Variants in FDFT1 observed in about 807,000 individuals in gnomAD.
FDFT1 encodes squalene synthase.
FDFT1 carries 68 observed loss-of-function variants against 46.8 expected under a neutral mutation model. That is an observed-to-expected ratio of 1.45 (90% CI 1.19 to 1.78). The LOEUF is 1.78. Among genes scored for constraint, FDFT1 ranks in the 40% most tolerant of loss-of-function variants. The pLI, the probability that FDFT1 is intolerant of heterozygous loss-of-function variation, is 0.00. For synonymous variants in FDFT1, 351 were observed against 185.1 expected, an observed-to-expected ratio of 1.90 and a Z score of -7.28; for missense variants, 928 against 524.4, an observed-to-expected ratio of 1.77 and a Z score of -7.52.
upstream of FDFT1, chr8:11,802,570 A>G (rs893136961): frequency 1.6e-6 from 1 of 615,944 alleles, no homozygotes; most frequent in African/African-American, 1.8e-5. Context: ...TCCTTCCGCG[A>G]CTGATTGGCC....
At chr8:11,808,394 G>A (rs1807175642) in intron 1 of FDFT1, 13 of 1,235,468 alleles carry the variant, frequency 1.1e-5, no homozygotes, top group Non-Finnish European at 1.1e-5. Flanking sequence ...CTGCGGGGCG[G>A]GCCCGTTGTG....
At chr8:11,801,192 A>C (rs1806085015), upstream of FDFT1, among the ~76,000 whole-genome samples, 1 of 152,100 alleles carries the variant, frequency 6.6e-6, no homozygotes, top group African/African-American at 2.4e-5. Flanking sequence ...GAGAAAGCAA[A>C]AGCATAAGAG....
chr8:11,826,683 C>T (rs1810040647), intron 5 of FDFT1, among the ~76,000 whole-genome samples: 1 of 152,140 alleles, frequency 6.6e-6, no homozygotes, highest in Non-Finnish European at 1.5e-5. Context: ...GGCGTGGTGG[C>T]AAGGGCTTGT....
upstream of FDFT1, among the ~76,000 whole-genome samples, chr8:11,801,194 G>T (rs1275676880): frequency 6.6e-6 from 1 of 152,154 alleles, no homozygotes; most frequent in Non-Finnish European, 1.5e-5. Context: ...GAAAGCAAAA[G>T]CATAAGAGAT....
At chr8:11,797,055 G>T (rs1169920170) in intron 1 of FDFT1, among the ~76,000 whole-genome samples, 1 of 152,214 alleles carries the variant, frequency 6.6e-6, no homozygotes, top group Non-Finnish European at 1.5e-5. Context: ...CTTCTGGGTT[G>T]TTGGGTCATT....
At chr8:11,796,923 G>C (rs1325357592) in intron 1 of FDFT1, among the ~76,000 whole-genome samples, 1 of 152,256 alleles carries the variant, frequency 6.6e-6, no homozygotes, top group Non-Finnish European at 1.5e-5. Context: ...GAGTAGGGCT[G>C]CTCCGCAGGC....
At chr8:11,815,043 G>T (rs976117809) in intron 3 of FDFT1, among the ~76,000 whole-genome samples, 4 of 151,984 alleles carry the variant, frequency 2.6e-5, no homozygotes, top group Admixed American at 2.0e-4. Context: ...AACAGGCCCC[G>T]GTATGTGATG....
rs757652010 is a variant in FDFT1 at position 11,802,920 on chromosome 8, A to C, written c.88A>C (p.Lys30Gln). The C allele has an allele frequency of 1.2e-6, 2 of 1,608,836 alleles. No individual in the cohort carries two copies. Among genetic ancestry groups the C allele is most frequent in the East Asian group, 2.2e-5 (1 of 44,734 alleles). ...CGGGGGCAAGCGGAAGGTGATGCCCAAGATGGACCAGGTGGGCCGAGCCTC... is the reference window on the plus strand; with the variant it reads ...CGGGGGCAAGCGGAAGGTGATGCCCCAGATGGACCAGGTGGGCCGAGCCTC... ...RIGGKRKVMP[K>Q]MDQDSLSSSL... The change falls in exon 1 of 8, where the codon AAG becomes CAG. Residue 30 changes from lysine (K) to glutamine (Q), a missense_variant. By Grantham distance (53) the Lys-to-Gln change is moderately conservative (BLOSUM62 1). Coordinates refer to ENST00000220584, the MANE Select transcript of FDFT1 (RefSeq NM_004462.5).
intron 1 of FDFT1, chr8:11,808,294 T>G: frequency 8.2e-7 from 1 of 1,224,886 alleles, no homozygotes; most frequent in Non-Finnish European, 1.0e-6. Context: ...TGCGCTGGGT[T>G]CCCTTAGCGG....
chr8:11,825,999 G>C (rs775539897), intron 4 of FDFT1, 25 bp from the exon 5 acceptor site: 2 of 1,491,424 alleles, frequency 1.3e-6, no homozygotes, highest in Admixed American at 4.0e-5. Flanking sequence ...CATTATTAAA[G>C]TGCTTTAAAA....
upstream of FDFT1, among the ~76,000 whole-genome samples, chr8:11,801,136 G>T (rs1257366361): frequency 1.3e-5 from 2 of 152,202 alleles, no homozygotes; most frequent in African/African-American, 2.4e-5. Flanking sequence ...GTATCTGGGG[G>T]ATAGTGCAGG....
chr8:11,810,557 C>T (rs911273550), intron 3 of FDFT1, among the ~76,000 whole-genome samples: 1 of 152,166 alleles, frequency 6.6e-6, no homozygotes, highest in African/African-American at 2.4e-5. Flanking sequence ...GGTAAGTATT[C>T]TGTAAGTATT....
intron 1 of FDFT1, chr8:11,803,730 T>G (rs1040545930): frequency 2.9e-5 from 6 of 205,044 alleles, no homozygotes; most frequent in South Asian, 2.0e-4. Context: ...CAAATGTGAC[T>G]CAGGCCGAGG....
At chr8:11,802,295 C>A (rs1403739020), upstream of FDFT1, 1 of 389,376 alleles carries the variant, frequency 2.6e-6, no homozygotes, top group Admixed American at 3.0e-5. Flanking sequence ...ACCCGGCTGG[C>A]AGGAGCCACC....
chr8:11,837,943 C>G (rs926244516), intron 7 of FDFT1, among the ~76,000 whole-genome samples: 8 of 152,146 alleles, frequency 5.3e-5, no homozygotes, highest in African/African-American at 1.9e-4. Context: ...GTTCCTGTCC[C>G]CCTTTGTCAA....
At chr8:11,816,309 C>T (rs960135265) in intron 3 of FDFT1, among the ~76,000 whole-genome samples, 2 of 152,156 alleles carry the variant, frequency 1.3e-5, no homozygotes, top group Non-Finnish European at 2.9e-5. Flanking sequence ...CGTGATGCCT[C>T]CAGCTTTGTT....
At chr8:11,823,919 A>C (rs180840513) in intron 4 of FDFT1, among the ~76,000 whole-genome samples, 1 of 151,464 alleles carries the variant, frequency 6.6e-6, no homozygotes, top group Non-Finnish European at 1.5e-5. Context: ...AATTTTTGTA[A>C]TTTTTTGGTA....
intron 1 of FDFT1, among the ~76,000 whole-genome samples, chr8:11,804,136 T>G (rs1806494026): frequency 6.6e-6 from 1 of 152,242 alleles, no homozygotes; most frequent in Non-Finnish European, 1.5e-5. Context: ...TTATAAAACT[T>G]ACTTTTTAGT....
At chr8:11,808,249 TC>T (rs1344655586) in intron 1 of FDFT1, 2 of 1,203,978 alleles carry the variant, frequency 1.7e-6, no homozygotes, top group African/African-American at 3.1e-5. Flanking sequence ...CTAGGGAGAC[TC>T]TGTCACTGGG....
Sources: gnomAD v4.1 joint callset for allele counts (sites outside exome capture counted in the v4.1 genomes callset) on GRCh38, gnomAD v4.1.1 for gene constraint, MANE v1.5 for transcripts, NCBI Gene and HGNC (gene_info 2026-07-23, HGNC 2026-07-21) for gene names.